GALNT13: variants seen among roughly 807,000 people sequenced by gnomAD.
The protein encoded by GALNT13 is UDP-GalNAc:polypeptide N-acetylgalactosaminyltransferase 13.
In GALNT13, 28 loss-of-function variants were observed where a neutral mutation model predicts 64.2. That is an observed-to-expected ratio of 0.44 (90% confidence interval 0.32 to 0.60). GALNT13 has a LOEUF of 0.60. Among genes scored for constraint, GALNT13 ranks in the 20% least tolerant of loss-of-function variants. The pLI is 0.05. For missense variants in GALNT13, 577 were observed against 669.8 expected, an observed-to-expected ratio of 0.86 and a Z score of 1.53; for synonymous variants, 214 against 224.6, an observed-to-expected ratio of 0.95 and a Z score of 0.42.
At chr2:153,809,492 G>A in the GALNT13 span, among the ~76,000 whole-genome samples, 1 of 152,046 alleles carries the variant, frequency 6.6e-6, no homozygotes, top group African/African-American at 2.4e-5. Context: ...CTCTTTGCAT[G>A]TATCTCCTTT....
intron 9 of GALNT13, among the ~76,000 whole-genome samples, chr2:154,377,164 G>T (rs185443464): frequency 3.3e-5 from 5 of 152,206 alleles, no homozygotes; most frequent in Admixed American, 3.3e-4. Flanking sequence ...ATATATATTA[G>T]CTTGGTAAGT....
the GALNT13 span, among the ~76,000 whole-genome samples, chr2:153,442,701 C>G: frequency 6.6e-6 from 1 of 152,286 alleles, no homozygotes; most frequent in African/African-American, 2.4e-5. Context: ...TACCTATAAG[C>G]CCCTGACTGG....
At chr2:153,979,475 G>T (rs563275081) in intron 3 of GALNT13, among the ~76,000 whole-genome samples, 1 of 152,188 alleles carries the variant, frequency 6.6e-6, no homozygotes, top group Admixed American at 6.6e-5. Context: ...CTGAGATTAT[G>T]GTCTTTGAGA....
At chr2:153,153,621 A>G in the GALNT13 span, among the ~76,000 whole-genome samples, 22 of 149,242 alleles carry the variant, frequency 1.5e-4, 2 homozygotes, top group South Asian at 1.3e-3. Context: ...CTAGCCAATT[A>G]TCCCAGCAGA....
intron 3 of GALNT13, among the ~76,000 whole-genome samples, chr2:154,005,097 G>T (rs1696158447): frequency 6.6e-6 from 1 of 152,034 alleles, no homozygotes. Flanking sequence ...TTTTACCTCT[G>T]TAATTACTAC....
chr2:153,715,603 T>C, the GALNT13 span, among the ~76,000 whole-genome samples: 1 of 152,222 alleles, frequency 6.6e-6, no homozygotes, highest in East Asian at 1.9e-4. Context: ...ATCTCTAGTC[T>C]TTGGCATGTA....
the GALNT13 span, among the ~76,000 whole-genome samples, chr2:153,432,646 C>G: frequency 1.3e-5 from 2 of 152,050 alleles, no homozygotes; most frequent in African/African-American, 4.8e-5. Flanking sequence ...TGTCATCCAC[C>G]TGATCTAGTT....
chr2:154,019,922 G>T (rs367613184), intron 3 of GALNT13, among the ~76,000 whole-genome samples: 3 of 150,540 alleles, frequency 2.0e-5, no homozygotes, highest in East Asian at 2.0e-4. Context: ...TCATTGTTCA[G>T]TTCCCACCTA....
chr2:153,922,704 T>A (rs1259150643), intron 2 of GALNT13, among the ~76,000 whole-genome samples: 1 of 152,110 alleles, frequency 6.6e-6, no homozygotes, highest in Non-Finnish European at 1.5e-5. Context: ...CTATCATGTT[T>A]CGCACAGCTA....
At chr2:153,248,650 A>G in the GALNT13 span, among the ~76,000 whole-genome samples, 10 of 151,360 alleles carry the variant, frequency 6.6e-5, no homozygotes, top group African/African-American at 2.2e-4. Context: ...CATCTCTACT[A>G]AAAAAATACA....
the GALNT13 span, among the ~76,000 whole-genome samples, chr2:153,471,761 G>T: frequency 1.3e-5 from 2 of 152,068 alleles, no homozygotes; most frequent in African/African-American, 4.8e-5. Flanking sequence ...CTTAGATTAA[G>T]ATTAAAGCAT....
chr2:153,418,933 A>T, the GALNT13 span, among the ~76,000 whole-genome samples: 1 of 152,196 alleles, frequency 6.6e-6, no homozygotes, highest in African/African-American at 2.4e-5. Flanking sequence ...GCTGTGGAGT[A>T]GTGACTGCTA....
At chr2:154,011,104 C>T (rs1213342375) in intron 3 of GALNT13, among the ~76,000 whole-genome samples, 1 of 151,746 alleles carries the variant, frequency 6.6e-6, no homozygotes, top group Non-Finnish European at 1.5e-5. Flanking sequence ...CAATTCAGAT[C>T]TGATTTTTTA....
chr2:153,249,848 C>T, the GALNT13 span, among the ~76,000 whole-genome samples: 3,156 of 152,250 alleles, frequency 0.021, 65 homozygotes, highest in Admixed American at 0.025. Flanking sequence ...AACTGAACTC[C>T]CTCCTTACAC....
the GALNT13 span, among the ~76,000 whole-genome samples, chr2:153,606,003 A>G: frequency 1.3e-5 from 2 of 152,032 alleles, no homozygotes; most frequent in African/African-American, 4.8e-5. Flanking sequence ...CCAGAAGGCT[A>G]TATTCCAAAC....
the GALNT13 span, among the ~76,000 whole-genome samples, chr2:153,766,511 T>C: frequency 6.6e-6 from 1 of 152,170 alleles, no homozygotes; most frequent in African/African-American, 2.4e-5. Flanking sequence ...TTAGGCCTCT[T>C]GATGATGTTC....
At chr2:153,458,185 A>G in the GALNT13 span, among the ~76,000 whole-genome samples, 1 of 152,130 alleles carries the variant, frequency 6.6e-6, no homozygotes, top group Admixed American at 6.5e-5. Flanking sequence ...ATCAAACCAA[A>G]AAGACAATCA....
intron 9 of GALNT13, among the ~76,000 whole-genome samples, chr2:154,386,050 G>C (rs1031112746): frequency 6.6e-6 from 1 of 151,874 alleles, no homozygotes; most frequent in African/African-American, 2.4e-5. Flanking sequence ...TAACAAGTTT[G>C]GTGTCACTAT....
rs544046445 is a variant in GALNT13, at chr2:154,267,191, T to G, written c.975+8053T>G. On this transcript the variant is annotated intron_variant, in intron 8 of 12. Transcript: ENST00000392825. Reference sequence around the variant, plus strand: ...TCCATAACTTATACCATGAAAATATTAATTCAAAATGTAAAAATATAAAAT... The same window carrying G: ...TCCATAACTTATACCATGAAAATATGAATTCAAAATGTAAAAATATAAAAT... 3.4e-4 allele frequency among the ~76,000 whole-genome samples: 51 copies of G among 152,212 alleles called. 2 individuals carry two copies. Among genetic ancestry groups the G allele is most frequent in the African/African-American group, 1.2e-3 (50 of 41,544 alleles).
Sources: gnomAD v4.1 joint callset for allele counts (sites outside exome capture counted in the v4.1 genomes callset) on GRCh38, gnomAD v4.1.1 for gene constraint, MANE v1.5 for transcripts, NCBI Gene and HGNC (gene_info 2026-07-23, HGNC 2026-07-21) for gene names.